Variants in IL1RAPL1 observed in about 807,000 individuals in gnomAD.
IL1RAPL1 encodes interleukin-1 receptor accessory protein-like 1.
In IL1RAPL1, 3 loss-of-function variants were observed where a neutral mutation model predicts 48.4. The observed-to-expected ratio is 0.06, with a 90% CI of 0.03 to 0.16. The LOEUF is 0.16. Ranked by LOEUF, IL1RAPL1 falls within the 10% of genes least tolerant of loss-of-function variation. The probability of loss-of-function intolerance (pLI) is 1.00; values close to 1 mark genes in which losing one functional copy is unlikely to be tolerated. For missense variants in IL1RAPL1, 349 were observed against 530.6 expected (o/e 0.66, Z 3.36); for synonymous variants, 185 against 187.7 (o/e 0.99, Z 0.12).
At chrX:28,631,110 A>G (rs1346906701) in intron 1 of IL1RAPL1, among the ~76,000 whole-genome samples, 1 of 111,809 alleles carries the variant, frequency 8.9e-6, no homozygotes, top group African/African-American at 3.3e-5. Context: ...ACTCAATCCC[A>G]TCAGGAGCCT....
intron 1 of IL1RAPL1, among the ~76,000 whole-genome samples, chrX:28,594,865 T>C (rs1933939030): frequency 9.0e-6 from 1 of 111,587 alleles, no homozygotes; most frequent in African/African-American, 3.3e-5. Flanking sequence ...GTTGAGAACA[T>C]AGGTCACTGG....
intron 1 of IL1RAPL1, among the ~76,000 whole-genome samples, chrX:28,645,994 A>G (rs1430199781): frequency 8.9e-6 from 1 of 111,958 alleles, no homozygotes; most frequent in Non-Finnish European, 1.9e-5. Context: ...TTATTATAAA[A>G]TGATTTTTAA....
intron 2 of IL1RAPL1, among the ~76,000 whole-genome samples, chrX:28,920,592 T>G (rs1405768917): frequency 1.8e-5 from 2 of 111,957 alleles, no homozygotes; most frequent in Non-Finnish European, 3.8e-5. Flanking sequence ...CAGGCTAAGA[T>G]TCACTCACCC....
intron 6 of IL1RAPL1, among the ~76,000 whole-genome samples, chrX:29,908,378 AT>A (rs1174658605): frequency 3.9e-4 from 21 of 53,400 alleles, no homozygotes; most frequent in African/African-American, 2.7e-3. Flanking sequence ...TTTCAAAAAT[AT>A]ATATATATAT....
rs1476152800 is a variant in IL1RAPL1, at chrX:29,514,051, G to A, written c.703+114743G>A. Among the ~76,000 whole-genome samples the A allele has an allele frequency of 7.2e-5, 8 of 111,470 alleles. No homozygotes were observed. The South Asian group carries it at 3.0e-3, about 42-fold the overall frequency. On this transcript the variant is annotated intron_variant, in intron 5 of 10. Coordinates refer to ENST00000378993, the MANE Select transcript of IL1RAPL1 (RefSeq NM_014271.4). ...TTCTATGTTTTGGGGCATAGGTGATGTGCAGGGTTACGTTGGTTCATAATA... is the reference window on the plus strand; with the variant it reads ...TTCTATGTTTTGGGGCATAGGTGATATGCAGGGTTACGTTGGTTCATAATA...
intron 2 of IL1RAPL1, among the ~76,000 whole-genome samples, chrX:29,041,097 T>A (rs1926836616): frequency 8.9e-6 from 1 of 111,961 alleles, no homozygotes; most frequent in South Asian, 3.7e-4. Flanking sequence ...TCATAGAGCA[T>A]AAATATTTTA....
intron 1 of IL1RAPL1, among the ~76,000 whole-genome samples, chrX:28,725,503 A>G (rs1287252146): frequency 8.9e-6 from 1 of 112,071 alleles, no homozygotes; most frequent in Non-Finnish European, 1.9e-5. Context: ...AGGTCAAGGC[A>G]TGGGATAGGG....
At chrX:28,706,854 A>C (rs1054788666) in intron 1 of IL1RAPL1, among the ~76,000 whole-genome samples, 3 of 112,291 alleles carry the variant, frequency 2.7e-5, no homozygotes, top group Non-Finnish European at 5.6e-5. Context: ...CCAGATTTGC[A>C]AATATGGTGT....
intron 6 of IL1RAPL1, among the ~76,000 whole-genome samples, chrX:29,905,493 T>C (rs1469375756): frequency 1.2e-5 from 1 of 82,863 alleles, no homozygotes; most frequent in Non-Finnish European, 2.2e-5. Context: ...TTTTATGGTT[T>C]TAGGTCTAAC....
chrX:29,053,200 A>T (rs1324573606), intron 2 of IL1RAPL1, among the ~76,000 whole-genome samples: 4 of 111,736 alleles, frequency 3.6e-5, no homozygotes, highest in African/African-American at 9.8e-5. Flanking sequence ...CCTGAAAAGG[A>T]CATGATTTGT....
At chrX:28,674,691 T>A (rs1186547838) in intron 1 of IL1RAPL1, among the ~76,000 whole-genome samples, 1 of 111,670 alleles carries the variant, frequency 9.0e-6, no homozygotes, top group African/African-American at 3.3e-5. Flanking sequence ...TACCTGAGAA[T>A]TTTTACGTTT....
chrX:28,728,035 C>G (rs1208376933), intron 1 of IL1RAPL1, among the ~76,000 whole-genome samples: 3 of 109,973 alleles, frequency 2.7e-5, no homozygotes, highest in Non-Finnish European at 5.7e-5. Context: ...CTAACCTGCA[C>G]AATGTGCACA....
chrX:28,721,229 A>G (rs1415876152), intron 1 of IL1RAPL1, among the ~76,000 whole-genome samples: 2 of 111,765 alleles, frequency 1.8e-5, no homozygotes, highest in Non-Finnish European at 3.8e-5. Context: ...AAGTGTTCCC[A>G]TTTCTCCACA....
At chrX:29,043,318 AT>A (rs1926885864) in intron 2 of IL1RAPL1, among the ~76,000 whole-genome samples, 1 of 111,081 alleles carries the variant, frequency 9.0e-6, no homozygotes, top group Admixed American at 9.6e-5. Context: ...CTCATTTTTA[AT>A]TCATCCATTC....
chrX:28,839,980 TGAGA>T (rs1339718686), intron 2 of IL1RAPL1, among the ~76,000 whole-genome samples: 2 of 110,609 alleles, frequency 1.8e-5, no homozygotes, highest in African/African-American at 6.5e-5. Flanking sequence ...TATTTTGCTT[TGAGA>T]GAGAAGAAAA....
intron 2 of IL1RAPL1, among the ~76,000 whole-genome samples, chrX:29,148,165 A>G (rs1183017650): frequency 8.9e-6 from 1 of 112,126 alleles, no homozygotes; most frequent in African/African-American, 3.2e-5. Context: ...ATACATACAT[A>G]TATAGTCTAT....
chrX:29,322,251 CTT>C (rs1242327760), intron 3 of IL1RAPL1, among the ~76,000 whole-genome samples: 2 of 106,726 alleles, frequency 1.9e-5, no homozygotes, highest in African/African-American at 6.8e-5. Flanking sequence ...CTGTCTTTCT[CTT>C]TCTCTCTCTC....
chrX:28,823,712 T>A (rs986342), intron 2 of IL1RAPL1, among the ~76,000 whole-genome samples: 2 of 109,828 alleles, frequency 1.8e-5, no homozygotes. Context: ...AGAGGCCTGC[T>A]TTTTTTGCCT....
At chrX:29,684,382 GA>G (rs1228428403) in intron 6 of IL1RAPL1, among the ~76,000 whole-genome samples, 1 of 111,225 alleles carries the variant, frequency 9.0e-6, no homozygotes, top group East Asian at 2.8e-4. Flanking sequence ...CACAAAAGCA[GA>G]GCCCTCATCA....
Sources: allele counts gnomAD v4.1 joint callset (sites outside exome capture counted in the v4.1 genomes callset), GRCh38; gene constraint gnomAD v4.1.1; transcripts MANE v1.5; gene names NCBI Gene and HGNC (gene_info 2026-07-23, HGNC 2026-07-21).